SHISA6: variants seen among roughly 807,000 people sequenced by gnomAD.
The protein encoded by SHISA6 is shisa family member 6, also known as protein shisa-6.
A neutral mutation model predicts 47.9 loss-of-function variants in SHISA6; 22 were observed. The observed-to-expected ratio is 0.46, with a 90% CI of 0.33 to 0.66. SHISA6 has a LOEUF of 0.66. Ranked by LOEUF, SHISA6 falls within the 30% of genes least tolerant of loss-of-function variation. SHISA6 has a pLI of 0.02. For synonymous variants in SHISA6, 388 were observed against 337.8 expected (o/e 1.15, Z -1.63); for missense variants, 680 against 764.6 (o/e 0.89, Z 1.30).
intron 3 of SHISA6, among the ~76,000 whole-genome samples, chr17:11,491,376 C>T (rs188099121): frequency 4.1e-4 from 62 of 152,304 alleles, no homozygotes; most frequent in African/African-American, 1.4e-3. Context: ...TCACGGCCCA[C>T]TGCAGCCTTC....
At chr17:11,351,379 T>G (rs1219566775) in intron 2 of SHISA6, among the ~76,000 whole-genome samples, 1 of 152,208 alleles carries the variant, frequency 6.6e-6, no homozygotes, top group Non-Finnish European at 1.5e-5. Context: ...TACCTAGTCA[T>G]GTATGGTTCT....
chr17:11,398,836 C>T (rs1913667084), intron 3 of SHISA6, among the ~76,000 whole-genome samples: 1 of 152,100 alleles, frequency 6.6e-6, no homozygotes, highest in Non-Finnish European at 1.5e-5. Flanking sequence ...TGTGGTCTAC[C>T]TGCTTTGGCC....
intron 1 of SHISA6, among the ~76,000 whole-genome samples, chr17:11,259,060 A>G (rs1908127541): frequency 6.6e-6 from 1 of 151,724 alleles, no homozygotes; most frequent in Admixed American, 6.6e-5. Context: ...AGAGTGTTGG[A>G]TGGATGGATG....
At chr17:11,426,795 T>C (rs566510159) in intron 3 of SHISA6, among the ~76,000 whole-genome samples, 2 of 152,306 alleles carry the variant, frequency 1.3e-5, no homozygotes, top group African/African-American at 4.8e-5. Context: ...GGGTACCACA[T>C]GGAAAGTTGG....
At chr17:11,297,294 G>C (rs1156969406) in intron 2 of SHISA6, among the ~76,000 whole-genome samples, 1 of 152,140 alleles carries the variant, frequency 6.6e-6, no homozygotes, top group East Asian at 1.9e-4. Context: ...AGGTTTGGCT[G>C]TATGTAAGGG....
chr17:11,525,641 AAAAAAAAAAAC>A (rs1157875821), intron 3 of SHISA6, among the ~76,000 whole-genome samples: 8 of 100,678 alleles, frequency 7.9e-5, no homozygotes, highest in African/African-American at 2.1e-4. Flanking sequence ...CAAAAAAAAA[AAAAAAAAAAAC>A]AAAAAAAAAA....
chr17:11,521,728 A>G (rs566680381), intron 3 of SHISA6, among the ~76,000 whole-genome samples: 4 of 152,086 alleles, frequency 2.6e-5, no homozygotes, highest in Admixed American at 6.5e-5. Flanking sequence ...TCTTGAACCC[A>G]GGAGTTCAAA....
chr17:11,534,902 G>A (rs1017065586), intron 3 of SHISA6, among the ~76,000 whole-genome samples: 2 of 152,102 alleles, frequency 1.3e-5, no homozygotes, highest in Non-Finnish European at 2.9e-5. Flanking sequence ...GGCCAAGGAG[G>A]GTGGATCACG....
intron 3 of SHISA6, among the ~76,000 whole-genome samples, chr17:11,484,398 G>C (rs1469083815): frequency 2.6e-5 from 4 of 152,042 alleles, no homozygotes; most frequent in Admixed American, 6.6e-5. Flanking sequence ...TATAAAAAAG[G>C]GTTTTTGTTG....
intron 1 of SHISA6, among the ~76,000 whole-genome samples, chr17:11,246,062 A>G (rs1013509720): frequency 6.6e-6 from 1 of 152,174 alleles, no homozygotes; most frequent in African/African-American, 2.4e-5. Context: ...CTGTGAGCTC[A>G]CTATAATGAA....
intron 2 of SHISA6, among the ~76,000 whole-genome samples, chr17:11,370,497 G>T (rs1360852867): frequency 6.6e-6 from 1 of 152,166 alleles, no homozygotes; most frequent in Admixed American, 6.5e-5. Context: ...ACAAAATGAT[G>T]ATTTGGGGGA....
intron 3 of SHISA6, among the ~76,000 whole-genome samples, chr17:11,430,441 G>C (rs1010406920): frequency 2.6e-5 from 4 of 152,172 alleles, no homozygotes; most frequent in African/African-American, 4.8e-5. Context: ...CTCCCATCCT[G>C]CCTTCTGCTA....
chr17:11,368,111 A>G (rs1487212424), intron 2 of SHISA6, among the ~76,000 whole-genome samples: 1 of 152,228 alleles, frequency 6.6e-6, no homozygotes, highest in Admixed American at 6.5e-5. Context: ...ACACGTGACT[A>G]CATTTGGACA....
chr17:11,303,442 C>T (rs533932310), intron 2 of SHISA6, among the ~76,000 whole-genome samples: 14 of 151,428 alleles, frequency 9.2e-5, no homozygotes, highest in Admixed American at 7.9e-4. Flanking sequence ...GTTTTGTGTG[C>T]AGTTGTATGG....
chr17:11,558,507 C>G lies in SHISA6; in HGVS notation c.*203C>G. On this transcript the variant is annotated 3_prime_UTR_variant, in exon 6 of 6. Transcript: ENST00000441885. ...GGTCCAATACACTTAGACCCAGGAC[C>G]AAGAGCAATCGCTCTTGCTCCTCCA... 1.6e-6 allele frequency: 1 copy of G among 609,672 alleles called. No individual in the cohort carries two copies. Among genetic ancestry groups the G allele is most frequent in the Non-Finnish European group, 2.9e-6 (1 of 347,374 alleles). The allele number at this position is 609,672 out of a possible 1,614,324, so 37.8% of individuals were successfully genotyped here.
chr17:11,265,952 A>G (rs1908409753), intron 2 of SHISA6, among the ~76,000 whole-genome samples: 1 of 152,214 alleles, frequency 6.6e-6, no homozygotes, highest in South Asian at 2.1e-4. Context: ...CAAATTTCTC[A>G]AATTGGAACT....
At chr17:11,353,101 C>G (rs1305494281) in intron 2 of SHISA6, among the ~76,000 whole-genome samples, 1 of 152,160 alleles carries the variant, frequency 6.6e-6, no homozygotes, top group African/African-American at 2.4e-5. Flanking sequence ...CATCTTCCTT[C>G]TTTATATGTG....
intron 3 of SHISA6, among the ~76,000 whole-genome samples, chr17:11,489,150 T>C (rs1916417498): frequency 6.6e-6 from 1 of 152,110 alleles, no homozygotes; most frequent in African/African-American, 2.4e-5. Context: ...GAGCCCTTAT[T>C]TGACTCCTCA....
chr17:11,459,034 ACCCCGTCT>A (rs1915627653), intron 3 of SHISA6, among the ~76,000 whole-genome samples: 1 of 147,176 alleles, frequency 6.8e-6, no homozygotes, highest in Non-Finnish European at 1.5e-5. Context: ...ACACGGTGAA[ACCCCGTCT>A]CTACTAAAAA....
Sources: gnomAD v4.1 joint callset for allele counts (sites outside exome capture counted in the v4.1 genomes callset) on GRCh38, gnomAD v4.1.1 for gene constraint, MANE v1.5 for transcripts, NCBI Gene and HGNC (gene_info 2026-07-23, HGNC 2026-07-21) for gene names.